Variants in RBL2 observed in about 807,000 individuals in gnomAD.
RBL2 encodes retinoblastoma-like protein 2.
RBL2 carries 56 observed loss-of-function variants against 126.0 expected under a neutral mutation model. That is an observed-to-expected ratio of 0.44 (90% confidence interval 0.36 to 0.56). RBL2 has a LOEUF of 0.56. RBL2 is among the 20% of genes least tolerant of loss of function. The probability of loss-of-function intolerance (pLI) is 0.00; values close to 1 mark genes in which losing one functional copy is unlikely to be tolerated. For missense variants in RBL2, 1,229 were observed against 1,398.2 expected, an observed-to-expected ratio of 0.88 and a Z score of 1.93; for synonymous variants, 454 against 478.5, an observed-to-expected ratio of 0.95 and a Z score of 0.67.
rs1028622614 is a variant in RBL2 at position 53,480,656 on chromosome 16, A to G, written c.2971A>G (p.Thr991Ala). ...SSAPPTPTRL[T>A]GANSDMEEEE... The stretch of plus-strand genomic sequence containing the variant: ...TGCTCCTCCCACACCTACTCGCCTC[A>G]CAGGTGCCAACAGTGACATGGAAGA... Residue 991 changes from threonine (T) to alanine (A), a missense_variant, in exon 20 of 22, where the codon ACA (threonine) becomes GCA (alanine). Physicochemically the swap from Thr to Ala is moderately conservative, Grantham distance 58. Around this residue, in one of 2 missense-constraint regions of RBL2, gnomAD observed 1,070 missense variants for 1,274.3 expected, o/e 0.84. Coordinates refer to ENST00000262133, the MANE Select transcript of RBL2 (RefSeq NM_005611.4). 1 of 1,613,882 alleles carries G rather than the reference A, an allele frequency of 6.2e-7. No individual in the cohort carries two copies. The highest frequency in any genetic ancestry group is 1.3e-5 in the African/African-American group (1 of 74,882).
At position 53,453,496 on chromosome 16, in the gene RBL2, G is replaced by A. The variant is rs1567731689; in HGVS notation, c.811G>A (p.Asp271Asn). Residue 271 changes from aspartate (D) to asparagine (N), a missense_variant, in exon 6 of 22, where the codon GAC (aspartate) becomes AAC (asparagine). By Grantham distance (23) the Asp-to-Asn change is conservative. Around this residue, in one of 2 missense-constraint regions of RBL2, gnomAD observed 1,070 missense variants for 1,274.3 expected, o/e 0.84. Transcript: ENST00000262133. ...TGCTAAAGATTCTAAACCTTCCTCT[G>A]ACCCCCCTTGTATCATTGAGAAACT... Reference protein sequence around the residue: ...FHAKDSKPSSDPPCIIEKLCS... With the variant: ...FHAKDSKPSSNPPCIIEKLCS... 1.9e-6 allele frequency: 3 copies of A among 1,613,220 alleles called. No homozygotes were observed. The highest frequency in any genetic ancestry group is 2.5e-6 in the Non-Finnish European group (3 of 1,179,454).
intron 3 of RBL2, among the ~76,000 whole-genome samples, chr16:53,445,132 G>A (rs1263453434): frequency 1.3e-5 from 2 of 152,054 alleles, no homozygotes; most frequent in South Asian, 2.1e-4. Context: ...TTTGAGACCA[G>A]CCTGGACAGT....
At chr16:53,444,556 A>T (rs1001965186) in intron 3 of RBL2, among the ~76,000 whole-genome samples, 1 of 147,740 alleles carries the variant, frequency 6.8e-6, no homozygotes, top group African/African-American at 2.6e-5. Context: ...CCATTTTAAT[A>T]AATAAATAAA....
At chr16:53,438,931 C>T in intron 1 of RBL2, 85 bp from the exon 2 acceptor site, 1 of 749,584 alleles carries the variant, frequency 1.3e-6, no homozygotes, top group Non-Finnish European at 1.7e-6. Context: ...ATAAACAACA[C>T]TTTCAATTTA....
chr16:53,484,530 T>C (rs906718899), intron 21 of RBL2, among the ~76,000 whole-genome samples: 1 of 152,180 alleles, frequency 6.6e-6, no homozygotes, highest in South Asian at 2.1e-4. Flanking sequence ...TACTGATACA[T>C]GCTACAATAT....
intron 3 of RBL2, among the ~76,000 whole-genome samples, chr16:53,444,805 G>A (rs911439728): frequency 2.0e-5 from 3 of 152,014 alleles, no homozygotes; most frequent in Non-Finnish European, 2.9e-5. Context: ...CTGCGATCGC[G>A]CCACTGCACT....
intron 8 of RBL2, among the ~76,000 whole-genome samples, chr16:53,455,689 G>A (rs139293760): frequency 3.0e-4 from 46 of 152,294 alleles, no homozygotes; most frequent in African/African-American, 1.1e-3. Context: ...TGGTAGGTAA[G>A]GTGGTTGGGA....
At position 53,453,427 on chromosome 16, in the gene RBL2, T is replaced by A. The variant is rs371510305; in HGVS notation, c.767-25T>A. On this transcript the variant is annotated intron_variant, in intron 5 of 21. Coordinates refer to ENST00000262133, the MANE Select transcript of RBL2 (RefSeq NM_005611.4). ...TTGGCTTATTGTGTGCTGATATCTC[T>A]GTTTTGTGATTCTATACACCATAGG... 26 of 1,592,090 alleles carry A rather than the reference T, an allele frequency of 1.6e-5. No individual in the cohort carries two copies. In the African/African-American group the frequency reaches 3.4e-4, roughly 21 times the overall value.
intron 17 of RBL2, among the ~76,000 whole-genome samples, chr16:53,472,875 G>T (rs1350169404): frequency 2.0e-5 from 3 of 152,096 alleles, no homozygotes; most frequent in Admixed American, 6.6e-5. Flanking sequence ...TAATTTTTGT[G>T]TATGGTATGA....
At chr16:53,445,412 A>T (rs989582947) in intron 3 of RBL2, among the ~76,000 whole-genome samples, 3 of 152,056 alleles carry the variant, frequency 2.0e-5, no homozygotes, top group African/African-American at 7.2e-5. Flanking sequence ...TCTTTCTGTT[A>T]ACTATAGTCA....
chr16:53,470,740 T>A lies in RBL2; in HGVS notation c.2527-6T>A. Reference sequence around the variant, plus strand: ...AAACAAAGTTTGAAATGTTTTTATCTCCTAGGTATACCATTTAGCAGCTGT... The same window carrying A: ...AAACAAAGTTTGAAATGTTTTTATCACCTAGGTATACCATTTAGCAGCTGT... On this transcript the variant is annotated splice_polypyrimidine_tract_variant and splice_region_variant and intron_variant, in intron 16 of 21. Coordinates refer to ENST00000262133, the MANE Select transcript of RBL2 (RefSeq NM_005611.4). The A allele has an allele frequency of 6.2e-7, 1 of 1,613,686 alleles. No individual in the cohort carries two copies. The highest frequency in any genetic ancestry group is 8.5e-7 in the Non-Finnish European group (1 of 1,179,806).
rs556915524 is a variant in RBL2 at position 53,442,971 on chromosome 16, T to A, written c.572+113T>A. On this transcript the variant is annotated intron_variant, in intron 3 of 21. Transcript: ENST00000262133. The stretch of plus-strand genomic sequence containing the variant: ...AAAAAGAAATAAGATTTAAAAAATC[T>A]TTTTCCTCAGTCGTTTTCTTTTAAT... 1,319 of 867,812 alleles carry A rather than the reference T, an allele frequency of 1.5e-3. 2 individuals carry two copies. The highest frequency in any genetic ancestry group is 2.1e-3 in the Non-Finnish European group (1,236 of 599,896). The allele number at this position is 867,812 out of a possible 1,614,324, so 53.8% of individuals were successfully genotyped here.
Position 53,462,926 on chromosome 16 carries a change from C to T in RBL2, c.1560+271C>T, listed in dbSNP as rs555303059. 3.3e-5 allele frequency among the ~76,000 whole-genome samples: 5 copies of T among 151,986 alleles called. No homozygotes were observed. In the South Asian group the frequency reaches 6.3e-4, roughly 19 times the overall value. On this transcript the variant is annotated intron_variant, in intron 11 of 21. Coordinates refer to ENST00000262133, the MANE Select transcript of RBL2 (RefSeq NM_005611.4). ...CACGATCTCGGCTCAATGCAACCTC[C>T]GCCTCCTGGGTTCAAGCAATTCTCC...
intron 8 of RBL2, among the ~76,000 whole-genome samples, chr16:53,455,946 A>T (rs1234539775): frequency 6.6e-6 from 1 of 152,078 alleles, no homozygotes; most frequent in African/African-American, 2.4e-5. Flanking sequence ...GAGGCAGAAG[A>T]CTGCCTGAGC....
intron 8 of RBL2, among the ~76,000 whole-genome samples, chr16:53,455,674 G>A (rs2058160321): frequency 6.6e-6 from 1 of 152,134 alleles, no homozygotes; most frequent in Non-Finnish European, 1.5e-5. Context: ...GGGATGGGTG[G>A]GCTGTGGTAG....
intron 19 of RBL2, 76 bp downstream of exon 19, chr16:53,480,067 A>C: frequency 1.1e-6 from 1 of 909,554 alleles, no homozygotes; most frequent in Non-Finnish European, 1.7e-6. Context: ...GAAGTAACTA[A>C]GCATTACTAA....
intron 11 of RBL2, among the ~76,000 whole-genome samples, chr16:53,463,161 C>T (rs1298492012): frequency 6.6e-6 from 1 of 152,132 alleles, no homozygotes; most frequent in Non-Finnish European, 1.5e-5. Context: ...GCCTTTGGTG[C>T]TTCAGTAGCT....
intron 4 of RBL2, among the ~76,000 whole-genome samples, chr16:53,447,876 C>T (rs959876596): frequency 2.0e-5 from 3 of 152,130 alleles, no homozygotes; most frequent in African/African-American, 7.2e-5. Context: ...AACTCCTGAC[C>T]TCAGGTGATC....
At chr16:53,459,923 C>CG (rs768426819) in intron 9 of RBL2, among the ~76,000 whole-genome samples, 2 of 89,408 alleles carry the variant, frequency 2.2e-5, no homozygotes, top group Non-Finnish European at 4.5e-5. Flanking sequence ...GAGGTGGGGG[C>CG]GGGGGGAAGC....
Sources: allele counts gnomAD v4.1 joint callset (sites outside exome capture counted in the v4.1 genomes callset), GRCh38; gene constraint gnomAD v4.1.1; regional missense constraint gnomAD v4.1.1; transcripts MANE v1.5; gene names NCBI Gene and HGNC (gene_info 2026-07-23, HGNC 2026-07-21).